Variants in CNTNAP2 observed in about 807,000 individuals in gnomAD.
The protein encoded by CNTNAP2 is contactin-associated protein-like 2.
Under a neutral mutation model 155.2 loss-of-function variants are expected in CNTNAP2, and 98 were observed. That is an observed-to-expected ratio of 0.63 (90% confidence interval 0.54 to 0.75). CNTNAP2 has a LOEUF of 0.75. Ranked by LOEUF, CNTNAP2 falls within the 30% of genes least tolerant of loss-of-function variation. The pLI is 0.00. For missense variants in CNTNAP2, 1,727 were observed against 1,688.1 expected (o/e 1.02, Z -0.40); for synonymous variants, 651 against 631.2 (o/e 1.03, Z -0.47).
chr7:148,409,436 G>GA lies in CNTNAP2; in HGVS notation c.3764dup (p.Asn1255LysfsTer69). 6.2e-7 allele frequency: 1 copy of GA among 1,613,892 alleles called. No individual in the cohort carries two copies. The highest frequency in any genetic ancestry group is 1.1e-5 in the South Asian group (1 of 91,074). On this transcript the variant is annotated frameshift_variant, in exon 23 of 24. Transcript: ENST00000361727. LOFTEE classifies it high-confidence loss of function. ...AATCCAGGACAAGGCCAAGCTATAA[G>GA]AAATGGAGTCAACAGAAACTCGGCT...
chr7:147,668,697 T>A (rs1795739302), intron 13 of CNTNAP2, among the ~76,000 whole-genome samples: 1 of 152,166 alleles, frequency 6.6e-6, no homozygotes, highest in Non-Finnish European at 1.5e-5. Flanking sequence ...TACGGCTGTT[T>A]GTGTTTCAAG....
At chr7:148,371,676 T>C (rs1798888270) in intron 21 of CNTNAP2, among the ~76,000 whole-genome samples, 1 of 152,180 alleles carries the variant, frequency 6.6e-6, no homozygotes, top group South Asian at 2.1e-4. Context: ...CAGGGATACG[T>C]TCTGAGAAGA....
At chr7:146,246,237 G>C (rs949816438) in intron 1 of CNTNAP2, among the ~76,000 whole-genome samples, 1 of 149,454 alleles carries the variant, frequency 6.7e-6, no homozygotes, top group South Asian at 2.1e-4. Context: ...GGGTTAAGGT[G>C]GGGTAATACA....
intron 11 of CNTNAP2, among the ~76,000 whole-genome samples, chr7:147,502,741 G>GTGTATATATATA (rs1491222754): frequency 2.2e-4 from 22 of 99,980 alleles, no homozygotes; most frequent in Admixed American, 4.6e-4. Context: ...GTGTGTGTGT[G>GTGTATATATATA]TATATATATA....
intron 15 of CNTNAP2, among the ~76,000 whole-genome samples, chr7:148,007,590 A>G (rs546875162): frequency 6.6e-6 from 1 of 152,326 alleles, no homozygotes; most frequent in South Asian, 2.1e-4. Context: ...CCAAACGTAG[A>G]CTAAGTACCA....
chr7:146,452,167 A>C (rs958362644), intron 1 of CNTNAP2, among the ~76,000 whole-genome samples: 3 of 151,958 alleles, frequency 2.0e-5, no homozygotes, highest in African/African-American at 7.2e-5. Context: ...TCGGCCTCCC[A>C]AAGTGCTAGG....
chr7:147,403,921 T>C (rs1796960325), intron 10 of CNTNAP2, among the ~76,000 whole-genome samples: 1 of 152,174 alleles, frequency 6.6e-6, no homozygotes, highest in Admixed American at 6.5e-5. Context: ...TGCTACCCTC[T>C]AGGTCGGACA....
At chr7:147,616,314 G>C in intron 12 of CNTNAP2, among the ~76,000 whole-genome samples, 1 of 152,032 alleles carries the variant, frequency 6.6e-6, no homozygotes, top group South Asian at 2.1e-4. Context: ...GACCACACAT[G>C]AGCCACAATT....
intron 1 of CNTNAP2, among the ~76,000 whole-genome samples, chr7:146,536,300 T>C (rs1797867855): frequency 6.6e-6 from 1 of 151,696 alleles, no homozygotes; most frequent in Non-Finnish European, 1.5e-5. Flanking sequence ...CTTATATACA[T>C]AGAAGAGAGC....
At chr7:147,244,344 G>A (rs1034140978) in intron 8 of CNTNAP2, among the ~76,000 whole-genome samples, 13 of 152,138 alleles carry the variant, frequency 8.5e-5, no homozygotes, top group Non-Finnish European at 1.2e-4. Flanking sequence ...AGAAAATGAC[G>A]TTTCTTTGCA....
chr7:146,246,341 G>C (rs1339127585), intron 1 of CNTNAP2, among the ~76,000 whole-genome samples: 1 of 150,954 alleles, frequency 6.6e-6, no homozygotes, highest in East Asian at 1.9e-4. Flanking sequence ...AGACAATTTA[G>C]TTAAAGTGTC....
At chr7:147,867,497 C>T (rs1297222157) in intron 13 of CNTNAP2, among the ~76,000 whole-genome samples, 1 of 152,126 alleles carries the variant, frequency 6.6e-6, no homozygotes, top group Non-Finnish European at 1.5e-5. Context: ...GTTGACCTGC[C>T]TTGCTAGGTT....
At chr7:146,231,498 A>C (rs1799384115) in intron 1 of CNTNAP2, among the ~76,000 whole-genome samples, 1 of 152,236 alleles carries the variant, frequency 6.6e-6, no homozygotes, top group Admixed American at 6.5e-5. Context: ...TGACTTATAG[A>C]AAAGCAAGGT....
At chr7:147,598,985 T>C (rs1364054152) in intron 12 of CNTNAP2, among the ~76,000 whole-genome samples, 1 of 152,134 alleles carries the variant, frequency 6.6e-6, no homozygotes, top group Non-Finnish European at 1.5e-5. Context: ...CAGTTAAACC[T>C]CTTTCCTTAT....
intron 10 of CNTNAP2, among the ~76,000 whole-genome samples, chr7:147,450,892 T>G (rs564960572): frequency 4.6e-5 from 7 of 152,362 alleles, no homozygotes; most frequent in Admixed American, 4.6e-4. Context: ...CATTAATTCC[T>G]TATATTCTCA....
chr7:146,884,192 G>T (rs1267717466), intron 3 of CNTNAP2, among the ~76,000 whole-genome samples: 1 of 152,074 alleles, frequency 6.6e-6, no homozygotes, highest in Non-Finnish European at 1.5e-5. Flanking sequence ...TGAAAAGTTG[G>T]TGCTCCTGAT....
At chr7:147,305,107 G>A (rs564903229) in intron 9 of CNTNAP2, among the ~76,000 whole-genome samples, 2 of 152,122 alleles carry the variant, frequency 1.3e-5, no homozygotes, top group Admixed American at 6.5e-5. Flanking sequence ...ACAGGGGCTC[G>A]GGGTTTCAAT....
intron 2 of CNTNAP2, among the ~76,000 whole-genome samples, chr7:146,811,554 A>G (rs555965090): frequency 6.6e-6 from 1 of 151,950 alleles, no homozygotes; most frequent in Non-Finnish European, 1.5e-5. Context: ...AAAGGTATAT[A>G]AATTTTGTTT....
intron 11 of CNTNAP2, among the ~76,000 whole-genome samples, chr7:147,535,374 A>G (rs1368455840): frequency 6.6e-6 from 1 of 152,216 alleles, no homozygotes; most frequent in Non-Finnish European, 1.5e-5. Flanking sequence ...CCTGAGCGAA[A>G]GAGTGAGACT....
Sources: allele counts gnomAD v4.1 joint callset (sites outside exome capture counted in the v4.1 genomes callset), GRCh38; gene constraint gnomAD v4.1.1; transcripts MANE v1.5; gene names NCBI Gene and HGNC (gene_info 2026-07-23, HGNC 2026-07-21).